The following ENTHD1 variants were observed in gnomAD, a reference collection of about 807,000 sequenced individuals.
ENTHD1 encodes the protein ENTH domain-containing protein 1.
A neutral mutation model predicts 39.1 loss-of-function variants in ENTHD1; 23 were observed. The observed-to-expected ratio is 0.59, with a 90% CI of 0.42 to 0.83. ENTHD1 has a LOEUF of 0.83. ENTHD1 is among the 40% of genes least tolerant of loss of function. The probability of loss-of-function intolerance (pLI) is 0.00; values close to 1 mark genes in which losing one functional copy is unlikely to be tolerated. For missense variants in ENTHD1, 624 were observed against 705.4 expected (o/e 0.88, Z 1.31); for synonymous variants, 230 against 258.2 (o/e 0.89, Z 1.05).
At chr22:39,891,820 A>G (rs1490570627) in intron 1 of ENTHD1, among the ~76,000 whole-genome samples, 1 of 151,928 alleles carries the variant, frequency 6.6e-6, no homozygotes, top group African/African-American at 2.4e-5. Context: ...GGGTTTCACC[A>G]TATTGACCAG....
intron 5 of ENTHD1, among the ~76,000 whole-genome samples, chr22:39,795,993 TTTTG>T (rs772788411): frequency 7.2e-5 from 11 of 152,042 alleles, no homozygotes; most frequent in Non-Finnish European, 1.6e-4. Context: ...AGTTTATTGG[TTTTG>T]TTTATCTTTT....
At chr22:39,815,353 G>T (rs903281636) in intron 5 of ENTHD1, among the ~76,000 whole-genome samples, 7 of 151,702 alleles carry the variant, frequency 4.6e-5, no homozygotes, top group Non-Finnish European at 1.0e-4. Context: ...TGAGGCAGGA[G>T]AATCGCTTGA....
At chr22:39,766,357 A>G (rs376617407) in intron 5 of ENTHD1, among the ~76,000 whole-genome samples, 3 of 152,212 alleles carry the variant, frequency 2.0e-5, no homozygotes, top group Admixed American at 6.5e-5. Context: ...GAATTGTAAG[A>G]AACTGAAACT....
intron 5 of ENTHD1, among the ~76,000 whole-genome samples, chr22:39,787,046 C>A (rs949894797): frequency 7.0e-6 from 1 of 142,118 alleles, no homozygotes; most frequent in Non-Finnish European, 1.5e-5. Flanking sequence ...CTTGTCACTT[C>A]ATGTCTCTGT....
intron 5 of ENTHD1, among the ~76,000 whole-genome samples, chr22:39,777,140 G>A (rs1357155004): frequency 6.6e-6 from 1 of 152,154 alleles, no homozygotes; most frequent in Non-Finnish European, 1.5e-5. Flanking sequence ...TCAATCAGAG[G>A]AAATAGAATC....
chr22:39,775,201 G>A (rs1028294656), intron 5 of ENTHD1, among the ~76,000 whole-genome samples: 2 of 152,086 alleles, frequency 1.3e-5, no homozygotes, highest in Admixed American at 1.3e-4. Context: ...AAATACAGGG[G>A]TAAACAAATT....
chr22:39,812,385 G>C (rs545402962), intron 5 of ENTHD1, among the ~76,000 whole-genome samples: 14 of 152,236 alleles, frequency 9.2e-5, no homozygotes, highest in African/African-American at 3.4e-4. Context: ...ATACCTAATG[G>C]GTATTGGCCG....
At chr22:39,798,829 C>T (rs1214824843) in intron 5 of ENTHD1, among the ~76,000 whole-genome samples, 1 of 152,070 alleles carries the variant, frequency 6.6e-6, no homozygotes, top group African/African-American at 2.4e-5. Context: ...GTGGGACAAC[C>T]GTTGGTCTCC....
chr22:39,853,013 A>C (rs1332740876), intron 3 of ENTHD1, among the ~76,000 whole-genome samples: 1 of 152,138 alleles, frequency 6.6e-6, no homozygotes. Context: ...ACCAAGCATG[A>C]CTCCACATCA....
intron 6 of ENTHD1, among the ~76,000 whole-genome samples, chr22:39,760,440 T>G (rs2065223660): frequency 6.6e-6 from 1 of 152,054 alleles, no homozygotes; most frequent in South Asian, 2.1e-4. Context: ...TTAATATAGC[T>G]ACTCCCACTT....
At chr22:39,791,599 T>C (rs1295729218) in intron 5 of ENTHD1, among the ~76,000 whole-genome samples, 1 of 152,042 alleles carries the variant, frequency 6.6e-6, no homozygotes, top group East Asian at 1.9e-4. Flanking sequence ...GGTTTTGCCA[T>C]GTTGCCTAGA....
chr22:39,789,939 GGT>G (rs2065490792), intron 5 of ENTHD1, among the ~76,000 whole-genome samples: 1 of 152,062 alleles, frequency 6.6e-6, no homozygotes, highest in Non-Finnish European at 1.5e-5. Context: ...AACCAAAGGA[GGT>G]GAGAGAGAAA....
intron 5 of ENTHD1, among the ~76,000 whole-genome samples, chr22:39,809,594 T>A (rs776105204): frequency 6.6e-6 from 1 of 152,182 alleles, no homozygotes; most frequent in East Asian, 1.9e-4. Context: ...TCGGGATGGA[T>A]CTATTACATA....
intron 5 of ENTHD1, among the ~76,000 whole-genome samples, chr22:39,768,886 A>T (rs2065299349): frequency 6.6e-6 from 1 of 152,078 alleles, no homozygotes; most frequent in Non-Finnish European, 1.5e-5. Flanking sequence ...CACAAGCAGA[A>T]GTCACAATTC....
chr22:39,854,768 C>T (rs2066071706), intron 3 of ENTHD1, among the ~76,000 whole-genome samples: 1 of 152,040 alleles, frequency 6.6e-6, no homozygotes, highest in Non-Finnish European at 1.5e-5. Context: ...GCCTCTTTTC[C>T]CTTGCTGATT....
At chr22:39,880,516 T>C (rs758488614) in intron 2 of ENTHD1, among the ~76,000 whole-genome samples, 1 of 152,188 alleles carries the variant, frequency 6.6e-6, no homozygotes, top group Non-Finnish European at 1.5e-5. Flanking sequence ...TCATCGATTG[T>C]AACAAATGTA....
chr22:39,833,101 T>C (rs1196408245), intron 4 of ENTHD1, among the ~76,000 whole-genome samples: 1 of 152,060 alleles, frequency 6.6e-6, no homozygotes, highest in Admixed American at 6.6e-5. Flanking sequence ...TTAAGAAGTG[T>C]CTCCCCCTAA....
intron 5 of ENTHD1, among the ~76,000 whole-genome samples, chr22:39,816,533 A>T (rs531804105): frequency 6.6e-6 from 1 of 152,354 alleles, no homozygotes; most frequent in African/African-American, 2.4e-5. Context: ...TAGAGTTGTT[A>T]AACAGATACT....
intron 3 of ENTHD1, 64 bp downstream of exon 3, chr22:39,861,701 T>C: frequency 4.7e-6 from 6 of 1,265,874 alleles, no homozygotes; most frequent in Non-Finnish European, 6.1e-6. Context: ...ACATAATATT[T>C]TATATTTTTA....
Sources: allele counts gnomAD v4.1 joint callset (sites outside exome capture counted in the v4.1 genomes callset), GRCh38; gene constraint gnomAD v4.1.1; transcripts MANE v1.5; gene names NCBI Gene and HGNC (gene_info 2026-07-23, HGNC 2026-07-21).